Variants in CFAP77 observed in about 807,000 individuals in gnomAD.
The protein encoded by CFAP77 is cilia- and flagella-associated protein 77.
A neutral mutation model predicts 31.1 loss-of-function variants in CFAP77; 25 were observed. The ratio of observed to expected loss-of-function variants is 0.80; its 90% CI spans 0.59 to 1.12. The LOEUF is 1.12. Ranked by LOEUF, CFAP77 falls within the 50% of genes most tolerant of loss-of-function variation. The pLI is 0.00. For missense variants in CFAP77, 377 were observed against 397.3 expected (o/e 0.95, Z 0.44); for synonymous variants, 151 against 159.9 (o/e 0.94, Z 0.42).
chr9:132,538,623 C>G (rs545260239), intron 4 of CFAP77, among the ~76,000 whole-genome samples: 37 of 152,074 alleles, frequency 2.4e-4, no homozygotes, highest in African/African-American at 8.9e-4. Context: ...CCTAAAAATA[C>G]AAAAATTAGC....
chr9:132,464,909 A>G lies in CFAP77; in HGVS notation c.196-33786A>G, dbSNP rs192148393. ...GAATTCGAGACCACCCTGGCCAACT[A>G]AAAATACAAAAATTAACCGGGTGTG... is the stretch of plus-strand genomic sequence containing the variant. On this transcript the variant is annotated intron_variant, in intron 1 of 5. Transcript: ENST00000393216. 8.2e-4 allele frequency among the ~76,000 whole-genome samples: 125 copies of G among 152,048 alleles called. 1 individual carries two copies. The highest frequency in any genetic ancestry group is 2.9e-3 in the African/African-American group (122 of 41,484).
At chr9:132,432,871 G>A (rs939921276) in intron 1 of CFAP77, among the ~76,000 whole-genome samples, 15 of 146,988 alleles carry the variant, frequency 1.0e-4, no homozygotes, top group Non-Finnish European at 4.5e-5. Context: ...CCGCCACCAC[G>A]CCCAGCTAAT....
At chr9:132,437,177 C>T (rs571124275) in intron 1 of CFAP77, among the ~76,000 whole-genome samples, 3 of 152,320 alleles carry the variant, frequency 2.0e-5, no homozygotes, top group African/African-American at 7.2e-5. Flanking sequence ...CTTCCCTGAT[C>T]GCCTTGTCCC....
intron 3 of CFAP77, among the ~76,000 whole-genome samples, chr9:132,509,205 T>TG (rs1470851384): frequency 6.6e-6 from 1 of 152,134 alleles, no homozygotes; most frequent in African/African-American, 2.4e-5. Context: ...AAGGGAGGCA[T>TG]GGTGAGGTTC....
chr9:132,505,959 G>A (rs954597355), intron 3 of CFAP77, among the ~76,000 whole-genome samples: 2 of 152,172 alleles, frequency 1.3e-5, no homozygotes, highest in African/African-American at 4.8e-5. Context: ...TCTTAAACGT[G>A]GCAGGCATTT....
chr9:132,549,463 T>A (rs1852790073), intron 5 of CFAP77, among the ~76,000 whole-genome samples: 2 of 151,812 alleles, frequency 1.3e-5, no homozygotes, highest in South Asian at 4.2e-4. Context: ...CCTGATGGAG[T>A]TGACACTTCC....
rs773234654 is a variant in CFAP77 at position 132,482,412 on chromosome 9, C to G, written c.196-16283C>G. 4 of 1,610,728 alleles carry G rather than the reference C, an allele frequency of 2.5e-6. No individual in the cohort carries two copies. The South Asian group carries it at 4.4e-5, about 18-fold the overall frequency. ...TGCTGGACACCACATCAAAGGAGGCCCACAGGTGTTTCTTCCTTCTGCTAA... is the reference window on the plus strand; with the variant it reads ...TGCTGGACACCACATCAAAGGAGGCGCACAGGTGTTTCTTCCTTCTGCTAA... On this transcript the variant is annotated intron_variant, in intron 1 of 5. Coordinates refer to ENST00000393216, the MANE Select transcript of CFAP77 (RefSeq NM_001282957.2).
At chr9:132,451,287 G>A (rs1850822416) in intron 1 of CFAP77, among the ~76,000 whole-genome samples, 1 of 150,650 alleles carries the variant, frequency 6.6e-6, no homozygotes, top group Non-Finnish European at 1.5e-5. Context: ...GCAGTGAGCT[G>A]AGATCGCGCC....
chr9:132,498,826 A>T lies in CFAP77; in HGVS notation c.295+32A>T, dbSNP rs1356682100. On this transcript the variant is annotated intron_variant, in intron 2 of 5. Transcript: ENST00000393216. The surrounding 1 kb of genome is among the most constrained non-coding windows in gnomAD (Gnocchi z 4.2). ...GAGCAGCTTTGGAGCATGAGGGCAG[A>T]GGAGTGGGAGGGAGGCTCACCCCTC... 5.4e-6 allele frequency: 8 copies of T among 1,489,198 alleles called. No individual in the cohort carries two copies. The highest frequency in any genetic ancestry group is 6.5e-6 in the Non-Finnish European group (7 of 1,078,004). 92.2% of individuals were successfully genotyped at this position (1,489,198 alleles called of 1,614,324 possible).
rs1852877999 is a variant in CFAP77 at position 132,554,983 on chromosome 9, T to TCCTC, written c.732+11938_732+11939insTCCC. Among the ~76,000 whole-genome samples, 1 of 145,486 alleles carries TCCTC rather than the reference T, an allele frequency of 6.9e-6. No homozygotes were observed. The highest frequency in any genetic ancestry group is 2.5e-5 in the African/African-American group (1 of 39,680). On this transcript the variant is annotated intron_variant, in intron 5 of 5. Coordinates refer to ENST00000393216, the MANE Select transcript of CFAP77 (RefSeq NM_001282957.2). This position sits in a 1 kb window ranked among gnomAD's most constrained non-coding sequence, Gnocchi z 4.1. ...ATCCATCCATCCATCCATCCATCCATCCATCCTCAGCCATCTGTCCATCTG... is the reference window on the plus strand; with the variant it reads ...ATCCATCCATCCATCCATCCATCCATCCTCCCATCCTCAGCCATCTGTCCATCTG...
At chr9:132,546,986 C>T (rs1852743299) in intron 5 of CFAP77, among the ~76,000 whole-genome samples, 1 of 152,240 alleles carries the variant, frequency 6.6e-6, no homozygotes, top group Non-Finnish European at 1.5e-5. Flanking sequence ...ACCCCAAACC[C>T]AGGGTGAGCC....
Position 132,418,644 on chromosome 9 carries a change from T to C in CFAP77, c.195+8178T>C, listed in dbSNP as rs185807412. 2.9e-3 allele frequency among the ~76,000 whole-genome samples: 445 copies of C among 152,334 alleles called. 2 individuals are homozygous for C. The highest frequency in any genetic ancestry group is 9.9e-3 in the African/African-American group (412 of 41,580). On this transcript the variant is annotated intron_variant, in intron 1 of 5. Transcript: ENST00000393216. The stretch of plus-strand genomic sequence containing the variant: ...TTTGCTAGCTTCTGTCTGAGACTTG[T>C]CAATCTCTAGCCTCACCCATGTTGT...
intron 1 of CFAP77, among the ~76,000 whole-genome samples, chr9:132,437,377 T>G (rs1311022888): frequency 6.6e-6 from 1 of 151,928 alleles, no homozygotes; most frequent in Non-Finnish European, 1.5e-5. Flanking sequence ...GTATTACGGG[T>G]TCAAACTCGA....
chr9:132,429,524 C>T lies in CFAP77; in HGVS notation c.195+19058C>T, dbSNP rs145425924. 2.5e-3 allele frequency among the ~76,000 whole-genome samples: 283 copies of T among 114,966 alleles called. 3 individuals are homozygous for T. Among genetic ancestry groups the T allele is most frequent in the Middle Eastern group, 0.016 (2 of 122 alleles). The allele number at this position is 114,966 out of a possible 152,430, so 75.4% of individuals were successfully genotyped here. A position where few individuals can be genotyped will look rare whatever the true frequency, so the allele number is the denominator to read the frequency against. On this transcript the variant is annotated intron_variant, in intron 1 of 5. Coordinates refer to ENST00000393216, the MANE Select transcript of CFAP77 (RefSeq NM_001282957.2). ...CCGCACTCTAGCCCAGGTGACAGAA[C>T]GAGACTTCAACTCAAAAAAAAAAAA... is the stretch of plus-strand genomic sequence containing the variant.
chr9:132,519,513 T>C, intron 3 of CFAP77, among the ~76,000 whole-genome samples: 1 of 67,328 alleles, frequency 1.5e-5, no homozygotes. Flanking sequence ...GATGGGTGGG[T>C]GGGTGGGTAG....
chr9:132,536,390 T>TC (rs1564244490), intron 3 of CFAP77, among the ~76,000 whole-genome samples: 1 of 139,890 alleles, frequency 7.1e-6, no homozygotes, highest in Non-Finnish European at 1.6e-5. Context: ...GGCTCATAGT[T>TC]CTTTTTTTTT....
At chr9:132,568,384 G>A (rs1017963545) in intron 5 of CFAP77, among the ~76,000 whole-genome samples, 2 of 151,834 alleles carry the variant, frequency 1.3e-5, no homozygotes, top group Admixed American at 6.6e-5. Flanking sequence ...GAGAAACCCC[G>A]TTTCTACTAA....
Position 132,554,481 on chromosome 9 carries a change from G to A in CFAP77, c.732+11434G>A, listed in dbSNP as rs1227325746. ...CTCCCAAGTAGTTGGGACTACAGGT[G>A]CACACCACCATGCCCGGCTAATTTT... On this transcript the variant is annotated intron_variant, in intron 5 of 5. Transcript: ENST00000393216. This position sits in a 1 kb window ranked among gnomAD's most constrained non-coding sequence, Gnocchi z 4.1. 1.3e-5 allele frequency among the ~76,000 whole-genome samples: 2 copies of A among 152,000 alleles called. No individual in the cohort carries two copies. Among genetic ancestry groups the A allele is most frequent in the African/African-American group, 4.8e-5 (2 of 41,366 alleles).
chr9:132,555,236 T>G (rs1448892607), intron 5 of CFAP77, among the ~76,000 whole-genome samples: 1 of 152,208 alleles, frequency 6.6e-6, no homozygotes, highest in African/African-American at 2.4e-5. Context: ...AAGGTTCTGC[T>G]CCTTCTTAAA....
Sources: allele counts gnomAD v4.1 joint callset (sites outside exome capture counted in the v4.1 genomes callset), GRCh38; gene constraint gnomAD v4.1.1; non-coding constraint Gnocchi (gnomAD v3.1); transcripts MANE v1.5; gene names NCBI Gene and HGNC (gene_info 2026-07-23, HGNC 2026-07-21).